The following ZNF536 variants were observed in gnomAD, a reference collection of about 807,000 sequenced individuals.
ZNF536 encodes the protein zinc finger protein 536.
In ZNF536, 13 loss-of-function variants were observed where a neutral mutation model predicts 84.5. The ratio of observed to expected loss-of-function variants is 0.15; its 90% CI spans 0.10 to 0.24. The LOEUF (loss-of-function observed/expected upper bound fraction) is 0.24. Ranked by LOEUF, ZNF536 falls within the 10% of genes least tolerant of loss-of-function variation. The pLI, the probability that ZNF536 is intolerant of heterozygous loss-of-function variation, is 1.00. For missense variants in ZNF536, 1,536 were observed against 1,747.5 expected, an observed-to-expected ratio of 0.88 and a Z score of 2.16; for synonymous variants, 811 against 742.5, an observed-to-expected ratio of 1.09 and a Z score of -1.50.
chr19:30,241,107 C>T (rs1394941757), intron 1 of ZNF536, among the ~76,000 whole-genome samples: 1 of 152,088 alleles, frequency 6.6e-6, no homozygotes, highest in East Asian at 1.9e-4. Context: ...CACTGGAGCC[C>T]AGGAGTTCAA....
intron 1 of ZNF536, among the ~76,000 whole-genome samples, chr19:30,563,823 AG>A (rs1427252867): frequency 1.3e-5 from 2 of 152,130 alleles, no homozygotes; most frequent in African/African-American, 4.8e-5. Context: ...TGGTGGGAAG[AG>A]GGATTCCTAA....
At chr19:30,243,500 A>G (rs759627729) in intron 1 of ZNF536, among the ~76,000 whole-genome samples, 10 of 152,208 alleles carry the variant, frequency 6.6e-5, no homozygotes, top group Non-Finnish European at 1.0e-4. Context: ...CTCTATCACA[A>G]ATTTCCATGT....
intron 2 of ZNF536, among the ~76,000 whole-genome samples, chr19:30,469,724 A>G (rs1363009039): frequency 6.6e-6 from 1 of 152,090 alleles, no homozygotes; most frequent in African/African-American, 2.4e-5. Context: ...AGCCTGGCTT[A>G]CAGCTCCCAC....
At chr19:30,591,308 T>G (rs562656026) in intron 1 of ZNF536, among the ~76,000 whole-genome samples, 4 of 152,292 alleles carry the variant, frequency 2.6e-5, no homozygotes, top group Admixed American at 2.6e-4. Flanking sequence ...ATGCTGCTAA[T>G]AAAGACATAC....
intron 1 of ZNF536, among the ~76,000 whole-genome samples, chr19:30,613,660 C>T (rs1278417805): frequency 6.6e-6 from 1 of 152,126 alleles, no homozygotes; most frequent in Admixed American, 6.5e-5. Context: ...TACACAAGCA[C>T]ATAACTAAAA....
intron 3 of ZNF536, among the ~76,000 whole-genome samples, chr19:30,359,233 G>T (rs1335100483): frequency 6.6e-6 from 1 of 152,226 alleles, no homozygotes; most frequent in East Asian, 1.9e-4. Context: ...TGGAGCTGGG[G>T]CCTGTATTTG....
intron 1 of ZNF536, among the ~76,000 whole-genome samples, chr19:30,660,318 G>A (rs1041787850): frequency 6.6e-6 from 1 of 152,160 alleles, no homozygotes; most frequent in Non-Finnish European, 1.5e-5. Flanking sequence ...GAGAGACGTT[G>A]TTTGACTATT....
At chr19:30,599,319 C>A (rs907879160) in intron 1 of ZNF536, among the ~76,000 whole-genome samples, 5 of 131,852 alleles carry the variant, frequency 3.8e-5, no homozygotes, top group Non-Finnish European at 8.1e-5. Flanking sequence ...TTTCCTTCCT[C>A]CTTTCCTTCT....
chr19:30,408,859 ATCCATCGATCTTCTATCCATC>A (rs2050370989), intron 1 of ZNF536, among the ~76,000 whole-genome samples: 2 of 67,496 alleles, frequency 3.0e-5, no homozygotes, highest in Admixed American at 4.1e-4. Flanking sequence ...TCCATCCTCC[ATCCATCGATCTTCTATCCATC>A]CTTCATCTAT....
intron 2 of ZNF536, among the ~76,000 whole-genome samples, chr19:30,347,418 G>T (rs995610145): frequency 6.6e-6 from 1 of 152,172 alleles, no homozygotes; most frequent in Non-Finnish European, 1.5e-5. Context: ...CAAGCTTTCC[G>T]CCACAGGGGG....
intron 1 of ZNF536, among the ~76,000 whole-genome samples, chr19:30,441,220 C>G (rs2052032063): frequency 6.6e-6 from 1 of 152,232 alleles, no homozygotes; most frequent in Non-Finnish European, 1.5e-5. Context: ...AACTGGGCAG[C>G]CTTTGGAAGT....
chr19:30,637,106 G>C (rs1163870473), intron 1 of ZNF536, among the ~76,000 whole-genome samples: 1 of 152,116 alleles, frequency 6.6e-6, no homozygotes, highest in African/African-American at 2.4e-5. Context: ...CATCCTTTTA[G>C]GCAGCCTCTT....
chr19:30,598,380 T>C (rs911755680), intron 1 of ZNF536, among the ~76,000 whole-genome samples: 1 of 151,492 alleles, frequency 6.6e-6, no homozygotes, highest in Non-Finnish European at 1.5e-5. Context: ...CTAGGGAGAG[T>C]CTCTGCAGAG....
chr19:30,650,464 T>C (rs1175302984), intron 1 of ZNF536, among the ~76,000 whole-genome samples: 1 of 152,246 alleles, frequency 6.6e-6, no homozygotes, highest in East Asian at 1.9e-4. Flanking sequence ...TGTTTTTGTT[T>C]TGTTTTGCTT....
At chr19:30,659,111 T>TTA (rs2050024058) in intron 1 of ZNF536, among the ~76,000 whole-genome samples, 1 of 152,084 alleles carries the variant, frequency 6.6e-6, no homozygotes, top group African/African-American at 2.4e-5. Context: ...ATGCAGTGTA[T>TTA]TAGTCCATTC....
rs143014995 is a variant in ZNF536 at position 30,279,485 on chromosome 19, G to T, written c.-189-4587G>T. 6.5e-3 allele frequency among the ~76,000 whole-genome samples: 987 copies of T among 152,302 alleles called. 11 individuals are homozygous for T. The highest frequency in any genetic ancestry group is 0.023 in the African/African-American group (947 of 41,564). On this transcript the variant is annotated intron_variant, in intron 1 of 5. Coordinates refer to the ZNF536 transcript ENST00000585628. ...CATTTGGGGCCATGTTCATCCCCCA[G>T]CGTTGTCTGAGAAAGAGAGAATCAC...
At position 30,492,748 on chromosome 19, in the gene ZNF536, C is replaced by T. The variant is rs976210625; in HGVS notation, c.2171-42099C>T. Among the ~76,000 whole-genome samples the T allele has an allele frequency of 7.9e-5, 12 of 152,198 alleles. No individual in the cohort carries two copies. The South Asian group carries it at 1.5e-3, about 18-fold the overall frequency. ...TCTTACTCAATGAGTGGGTCTGCAG[C>T]GGGATAGATAGGTAAATCCTTTAAA... On this transcript the variant is annotated intron_variant, in intron 2 of 4. Transcript: ENST00000355537.
At chr19:30,362,750 G>C (rs1192408150) in intron 3 of ZNF536, among the ~76,000 whole-genome samples, 3 of 152,090 alleles carry the variant, frequency 2.0e-5, no homozygotes, top group African/African-American at 4.8e-5. Context: ...CTTACCATTG[G>C]TTCTTGGTTC....
chr19:30,248,737 A>G (rs907766265), intron 1 of ZNF536, among the ~76,000 whole-genome samples: 10 of 152,266 alleles, frequency 6.6e-5, no homozygotes, highest in Admixed American at 6.5e-4. Context: ...TGTTCCAGGT[A>G]TGTCTGGCTT....
Sources: gnomAD v4.1 joint callset for allele counts (sites outside exome capture counted in the v4.1 genomes callset) on GRCh38, gnomAD v4.1.1 for gene constraint, MANE v1.5 for transcripts, NCBI Gene and HGNC (gene_info 2026-07-23, HGNC 2026-07-21) for gene names.